Variants in SEZ6L observed in about 807,000 individuals in gnomAD.
SEZ6L encodes seizure related 6 homolog like.
SEZ6L carries 37 observed loss-of-function variants against 106.2 expected under a neutral mutation model. The observed-to-expected ratio is 0.35, with a 90% CI of 0.27 to 0.46. The LOEUF is 0.46. Ranked by LOEUF, SEZ6L falls within the 20% of genes least tolerant of loss-of-function variation. The probability of loss-of-function intolerance (pLI) is 1.00; values close to 1 mark genes in which losing one functional copy is unlikely to be tolerated. For synonymous variants in SEZ6L, 541 were observed against 570.4 expected, an observed-to-expected ratio of 0.95 and a Z score of 0.73; for missense variants, 1,172 against 1,332.8, an observed-to-expected ratio of 0.88 and a Z score of 1.88.
chr22:26,335,096 G>A (rs1234424556), intron 9 of SEZ6L, among the ~76,000 whole-genome samples: 2 of 152,152 alleles, frequency 1.3e-5, no homozygotes, highest in Non-Finnish European at 2.9e-5. Flanking sequence ...CCGATTCCAG[G>A]GATGCTAGAT....
At chr22:26,226,060 A>G (rs1328892017) in intron 1 of SEZ6L, among the ~76,000 whole-genome samples, 1 of 152,116 alleles carries the variant, frequency 6.6e-6, no homozygotes, top group Admixed American at 6.5e-5. Context: ...GATTTTCTCC[A>G]TCCCTGCTGC....
At chr22:26,379,159 C>T (rs749232283) in intron 16 of SEZ6L, among the ~76,000 whole-genome samples, 12 of 152,154 alleles carry the variant, frequency 7.9e-5, no homozygotes, top group Non-Finnish European at 8.8e-5. Flanking sequence ...CAATTTCTTG[C>T]GGGCTGTCTT....
chr22:26,346,646 A>G (rs898248725), intron 10 of SEZ6L, among the ~76,000 whole-genome samples: 3 of 152,186 alleles, frequency 2.0e-5, no homozygotes, highest in African/African-American at 2.4e-5. Flanking sequence ...GCACTGGATG[A>G]TGAACTTCCA....
intron 1 of SEZ6L, among the ~76,000 whole-genome samples, chr22:26,190,476 C>T (rs1014751686): frequency 2.6e-5 from 4 of 152,186 alleles, no homozygotes; most frequent in Admixed American, 6.5e-5. Flanking sequence ...TAAAATCAGG[C>T]TGCCTGAGTT....
Position 26,310,791 on chromosome 22 carries a change from T to A in SEZ6L, c.1636T>A (p.Ser546Thr), listed in dbSNP as rs1212273891. The change falls in exon 7 of 17, where the codon TCC becomes ACC. Residue 546 changes from serine (S) to threonine (T), a missense_variant. Around this residue, in one of 4 missense-constraint regions of SEZ6L, gnomAD observed 534 missense variants for 691.0 expected, o/e 0.77. Transcript: ENST00000248933. The part of the protein sequence containing the change: ...EGNTIRIEFT[S>T]DQARAASTFN... ...CAACACCATCCGCATCGAGTTCACGTCCGACCAGGCCCGGGCGGCCTCCAC... is the reference window on the plus strand; with the variant it reads ...CAACACCATCCGCATCGAGTTCACGACCGACCAGGCCCGGGCGGCCTCCAC... 2.5e-6 allele frequency: 4 copies of A among 1,614,108 alleles called. No individual in the cohort carries two copies. Among genetic ancestry groups the A allele is most frequent in the Non-Finnish European group, 3.4e-6 (4 of 1,180,018 alleles).
In SEZ6L at chr22:26,356,725, G is replaced by A. The variant is rs1050639267; in HGVS notation, c.2599+5482G>A. Among the ~76,000 whole-genome samples the A allele has an allele frequency of 1.7e-4, 26 of 151,576 alleles. 1 individual carries two copies. The highest frequency in any genetic ancestry group is 1.9e-4 in the Non-Finnish European group (13 of 67,946). ...TGCTGCTACGAGGATGTGTATACCC[G>A]TTGGGCTGTGCAAATCTTCTTAAAC... On this transcript the variant is annotated intron_variant, in intron 12 of 16. Transcript: ENST00000248933.
intron 1 of SEZ6L, among the ~76,000 whole-genome samples, chr22:26,242,195 G>A (rs1207402): frequency 0.36 from 54,645 of 152,192 alleles, 10,212 homozygotes; most frequent in South Asian, 0.53. Context: ...GGGGTTGCAT[G>A]CCATGCCCAG....
At chr22:26,186,873 C>T (rs1386154053) in intron 1 of SEZ6L, among the ~76,000 whole-genome samples, 1 of 152,026 alleles carries the variant, frequency 6.6e-6, no homozygotes, top group Non-Finnish European at 1.5e-5. Context: ...CTCAGCTGTG[C>T]TTAGGAGCAC....
chr22:26,178,790 T>C (rs1258382033), intron 1 of SEZ6L, among the ~76,000 whole-genome samples: 1 of 152,152 alleles, frequency 6.6e-6, no homozygotes, highest in Non-Finnish European at 1.5e-5. Flanking sequence ...AACAAGTCAC[T>C]TAACTCTGAG....
chr22:26,221,181 C>T (rs1329641119), intron 1 of SEZ6L, among the ~76,000 whole-genome samples: 1 of 152,204 alleles, frequency 6.6e-6, no homozygotes, highest in East Asian at 1.9e-4. Flanking sequence ...TACCCCCTGG[C>T]CTTATTCACC....
At chr22:26,224,851 G>C (rs2331214) in intron 1 of SEZ6L, among the ~76,000 whole-genome samples, 126,851 of 152,092 alleles carry the variant, frequency 0.83, 53,157 homozygotes, top group East Asian at 1. Flanking sequence ...TGCTGTGTAA[G>C]AAACTACCCC....
At chr22:26,233,509 A>C (rs2145751337) in intron 1 of SEZ6L, among the ~76,000 whole-genome samples, 2 of 152,328 alleles carry the variant, frequency 1.3e-5, no homozygotes, top group South Asian at 4.1e-4. Flanking sequence ...GAGGAAGGGA[A>C]GTCTATTACG....
At chr22:26,236,757 G>A (rs961507847) in intron 1 of SEZ6L, among the ~76,000 whole-genome samples, 2 of 152,118 alleles carry the variant, frequency 1.3e-5, no homozygotes, top group Non-Finnish European at 2.9e-5. Context: ...AGCTAAAAAG[G>A]TCAGGTTTTT....
intron 9 of SEZ6L, among the ~76,000 whole-genome samples, chr22:26,330,298 G>A (rs2082439434): frequency 6.6e-6 from 1 of 152,104 alleles, no homozygotes; most frequent in Admixed American, 6.6e-5. Flanking sequence ...CCTCACCTCT[G>A]GGCACCTCAG....
intron 12 of SEZ6L, among the ~76,000 whole-genome samples, chr22:26,355,743 C>CAGAAAAGAAA (rs150501916): frequency 9.9e-5 from 15 of 151,930 alleles, no homozygotes; most frequent in African/African-American, 3.2e-4. Context: ...AACATAGAAA[C>CAGAAAAGAAA]AGAAAAGAAA....
intron 1 of SEZ6L, among the ~76,000 whole-genome samples, chr22:26,180,579 T>C (rs1025339498): frequency 2.0e-5 from 3 of 152,138 alleles, no homozygotes; most frequent in African/African-American, 7.2e-5. Flanking sequence ...TTTGGGTAAA[T>C]GACTTAGGAA....
At chr22:26,188,880 T>C (rs914915404) in intron 1 of SEZ6L, among the ~76,000 whole-genome samples, 2 of 152,218 alleles carry the variant, frequency 1.3e-5, no homozygotes, top group African/African-American at 4.8e-5. Context: ...ATAATAGCAG[T>C]AGTCATAATG....
At chr22:26,343,025 C>T (rs888773876) in intron 10 of SEZ6L, among the ~76,000 whole-genome samples, 1 of 152,150 alleles carries the variant, frequency 6.6e-6, no homozygotes, top group African/African-American at 2.4e-5. Flanking sequence ...TTCCCAGGGG[C>T]CTTTTACCTT....
At chr22:26,212,253 C>T (rs2078182770) in intron 1 of SEZ6L, among the ~76,000 whole-genome samples, 1 of 152,130 alleles carries the variant, frequency 6.6e-6, no homozygotes, top group Non-Finnish European at 1.5e-5. Context: ...TTATCATAAA[C>T]AGAATGTAAA....
Sources: gnomAD v4.1 joint callset for allele counts (sites outside exome capture counted in the v4.1 genomes callset) on GRCh38, gnomAD v4.1.1 for gene constraint, gnomAD v4.1.1 regional missense constraint, MANE v1.5 for transcripts, NCBI Gene and HGNC (gene_info 2026-07-23, HGNC 2026-07-21) for gene names.